The following BOC variants were observed in gnomAD, a reference collection of about 807,000 sequenced individuals.
BOC encodes brother of CDO.
A neutral mutation model predicts 112.0 loss-of-function variants in BOC; 76 were observed. The ratio of observed to expected loss-of-function variants is 0.68; its 90% CI spans 0.56 to 0.82. The LOEUF (loss-of-function observed/expected upper bound fraction) is 0.82, where lower values mean the gene tolerates loss of function less well. Among genes scored for constraint, BOC ranks in the 40% least tolerant of loss-of-function variants. The probability of loss-of-function intolerance (pLI) is 0.00; values close to 1 mark genes in which losing one functional copy is unlikely to be tolerated. For synonymous variants in BOC, 580 were observed against 599.8 expected, an observed-to-expected ratio of 0.97 and a Z score of 0.48; for missense variants, 1,309 against 1,511.7, an observed-to-expected ratio of 0.87 and a Z score of 2.22.
At chr3:113,226,577 C>T (rs553913749) in intron 2 of BOC, among the ~76,000 whole-genome samples, 1 of 152,338 alleles carries the variant, frequency 6.6e-6, no homozygotes, top group Non-Finnish European at 1.5e-5. Context: ...GAATCTTAAG[C>T]AGGCAGAACT....
intron 4 of BOC, among the ~76,000 whole-genome samples, chr3:113,255,824 C>A (rs1341176873): frequency 6.6e-6 from 1 of 152,144 alleles, no homozygotes; most frequent in Admixed American, 6.5e-5. Flanking sequence ...CCAAAGTGAC[C>A]AGGGGCCCTT....
chr3:113,227,568 C>A (rs1414956564), intron 2 of BOC, among the ~76,000 whole-genome samples: 1 of 152,182 alleles, frequency 6.6e-6, no homozygotes, highest in Admixed American at 6.5e-5. Context: ...TTGCAGAACC[C>A]TCTTTTCCAC....
At chr3:113,286,618 G>A in intron 19 of BOC, 57 bp from the exon 20 acceptor site, 1 of 1,397,136 alleles carries the variant, frequency 7.2e-7, no homozygotes, top group East Asian at 2.5e-5. Flanking sequence ...AGTGTCACTG[G>A]GTGTTGGCTC....
intron 2 of BOC, among the ~76,000 whole-genome samples, chr3:113,231,007 AG>A (rs1359346561): frequency 2.0e-5 from 3 of 152,220 alleles, no homozygotes; most frequent in Admixed American, 2.0e-4. Context: ...TCCTGGAATT[AG>A]GGGAAGTGTT....
rs1263483683 is a variant in BOC, at chr3:113,284,376, C to T, written c.2698C>T (p.Pro900Ser). Reference protein sequence around the residue: ...DLGFPRSALPPSCPYTMVPLG... With the variant: ...DLGFPRSALPSSCPYTMVPLG... ...GGGTTTTCCTCGAAGTGCCCTTCCA[C>T]CCTCCTGCCCGTATACTATGGTGCC... Residue 900 changes from proline (P) to serine (S), a missense_variant, in exon 17 of 20, where the codon CCC becomes TCC. Coordinates refer to ENST00000682979, the MANE Select transcript of BOC (RefSeq NM_001378074.1). The T allele has an allele frequency of 2.5e-6, 4 of 1,614,126 alleles. No homozygotes were observed. Among genetic ancestry groups the T allele is most frequent in the Non-Finnish European group, 3.4e-6 (4 of 1,180,040 alleles).
chr3:113,229,321 T>C (rs1318784851), intron 2 of BOC, among the ~76,000 whole-genome samples: 2 of 152,234 alleles, frequency 1.3e-5, no homozygotes, highest in African/African-American at 2.4e-5. Flanking sequence ...CCCTGGAAGC[T>C]GCTGGCCTTG....
At chr3:113,277,522 C>T (rs188812817) in intron 9 of BOC, among the ~76,000 whole-genome samples, 40 of 152,330 alleles carry the variant, frequency 2.6e-4, no homozygotes, top group Admixed American at 2.4e-3. Flanking sequence ...TTTCTCTAAA[C>T]CTTAGTCTCC....
intron 19 of BOC, among the ~76,000 whole-genome samples, chr3:113,286,396 A>G (rs1949698185): frequency 6.6e-6 from 1 of 152,156 alleles, no homozygotes; most frequent in South Asian, 2.1e-4. Context: ...TCTGCGTTTC[A>G]CGGGCTGCAC....
At chr3:113,250,896 G>A in intron 4 of BOC, 63 bp downstream of exon 4, 1 of 1,584,492 alleles carries the variant, frequency 6.3e-7, no homozygotes, top group Non-Finnish European at 8.6e-7. Flanking sequence ...CCACCCTGAA[G>A]CCCCCACCAT....
At chr3:113,212,213 G>C (rs1938296288) in intron 1 of BOC, 197 bp downstream of exon 1, 1 of 151,196 alleles carries the variant, frequency 6.6e-6, no homozygotes, top group Non-Finnish European at 1.5e-5. Context: ...GCCGAGGCTG[G>C]GCGCGCCGGG....
At position 113,285,362 on chromosome 3, in the gene BOC, T is replaced by C; in HGVS notation, c.2967-10T>C. ...AGCCCCACCTCCCCATCTGGGCTTG[T>C]GCACTGCAGGGGTCCCAAGTCTAGC... On this transcript the variant is annotated splice_polypyrimidine_tract_variant and intron_variant, in intron 18 of 19. Coordinates refer to ENST00000682979, the MANE Select transcript of BOC (RefSeq NM_001378074.1). The C allele has an allele frequency of 6.2e-7, 1 of 1,612,166 alleles. No individual in the cohort carries two copies. The highest frequency in any genetic ancestry group is 8.5e-7 in the Non-Finnish European group (1 of 1,179,660).
intron 4 of BOC, among the ~76,000 whole-genome samples, chr3:113,263,754 GAT>G (rs1429074693): frequency 6.6e-6 from 1 of 152,218 alleles, no homozygotes; most frequent in Non-Finnish European, 1.5e-5. Context: ...ATAAAGGAAA[GAT>G]AGAGACTAGA....
intron 14 of BOC, 21 bp downstream of exon 14, chr3:113,280,684 T>G (rs764844489): frequency 6.5e-7 from 1 of 1,549,026 alleles, no homozygotes; most frequent in Non-Finnish European, 8.9e-7. Context: ...GTTCTGTGTT[T>G]ATAGCTTCTG....
chr3:113,244,199 C>T (rs917769486), intron 2 of BOC, among the ~76,000 whole-genome samples: 4 of 152,190 alleles, frequency 2.6e-5, no homozygotes, highest in South Asian at 2.1e-4. Flanking sequence ...GAATTTATGT[C>T]CCAAATATTG....
chr3:113,286,595 T>C (rs1274116039), intron 19 of BOC, 80 bp from the exon 20 acceptor site: 13 of 1,239,830 alleles, frequency 1.0e-5, no homozygotes, highest in East Asian at 2.6e-5. Flanking sequence ...CCACCACAGA[T>C]AGAGATTGGC....
At chr3:113,242,970 A>G (rs984330617) in intron 2 of BOC, among the ~76,000 whole-genome samples, 4 of 152,152 alleles carry the variant, frequency 2.6e-5, no homozygotes, top group African/African-American at 7.2e-5. Flanking sequence ...AATATTTAAT[A>G]TAGGGGTTGG....
chr3:113,281,379 T>C (rs1282224884), intron 15 of BOC, among the ~76,000 whole-genome samples: 1 of 152,252 alleles, frequency 6.6e-6, no homozygotes, highest in African/African-American at 2.4e-5. Flanking sequence ...AACTCATCCA[T>C]GAAATCAGGG....
chr3:113,224,073 A>G (rs755628691), intron 2 of BOC, among the ~76,000 whole-genome samples: 1 of 152,132 alleles, frequency 6.6e-6, no homozygotes. Flanking sequence ...TTCCTCCTCG[A>G]TAGTTTGTTT....
intron 5 of BOC, 103 bp from the exon 6 acceptor site, chr3:113,270,698 C>A: frequency 7.2e-7 from 1 of 1,380,178 alleles, no homozygotes; most frequent in Non-Finnish European, 9.9e-7. Context: ...CTAGTGCCTG[C>A]CCAGCCTGTT....
Sources: allele counts gnomAD v4.1 joint callset (sites outside exome capture counted in the v4.1 genomes callset), GRCh38; gene constraint gnomAD v4.1.1; transcripts MANE v1.5; gene names NCBI Gene and HGNC (gene_info 2026-07-23, HGNC 2026-07-21).